PPP1R16B: variants seen among roughly 807,000 people sequenced by gnomAD.
PPP1R16B encodes protein phosphatase 1 regulatory inhibitor subunit 16B.
Under a neutral mutation model 61.7 loss-of-function variants are expected in PPP1R16B, and 14 were observed. That is an observed-to-expected ratio of 0.23 (90% confidence interval 0.15 to 0.35). The LOEUF is 0.35. Among genes scored for constraint, PPP1R16B ranks in the 10% least tolerant of loss-of-function variants. The pLI, the probability that PPP1R16B is intolerant of heterozygous loss-of-function variation, is 1.00. For missense variants in PPP1R16B, 547 were observed against 752.5 expected (o/e 0.73, Z 3.19); for synonymous variants, 266 against 305.3 (o/e 0.87, Z 1.34).
intron 4 of PPP1R16B, 79 bp downstream of exon 4, chr20:38,895,789 C>CCTCCCTTCCTTCTTTCTTCCCTCCCTT (rs2085330681): frequency 3.6e-6 from 3 of 844,528 alleles, no homozygotes; most frequent in African/African-American, 5.4e-5. Flanking sequence ...TCTCCTCCCT[C>CCTCCCTTCCTTCTTTCTTCCCTCCCTT]CCTCCTTCCT....
intron 10 of PPP1R16B, among the ~76,000 whole-genome samples, chr20:38,915,027 G>A (rs575909355): frequency 6.6e-6 from 1 of 151,936 alleles, no homozygotes; most frequent in South Asian, 2.1e-4. Context: ...TAGAACTCTA[G>A]AAAAATGAGT....
At chr20:38,888,071 C>T (rs960495176) in intron 2 of PPP1R16B, among the ~76,000 whole-genome samples, 1 of 152,224 alleles carries the variant, frequency 6.6e-6, no homozygotes, top group Non-Finnish European at 1.5e-5. Flanking sequence ...TTCACCCTGC[C>T]CAGCTCACTT....
intron 2 of PPP1R16B, among the ~76,000 whole-genome samples, chr20:38,855,346 T>C (rs559236312): frequency 6.6e-6 from 1 of 151,218 alleles, no homozygotes; most frequent in Non-Finnish European, 1.5e-5. Flanking sequence ...TACAATCTGT[T>C]CCCTTGTTAT....
chr20:38,886,023 G>T (rs1283720255), intron 2 of PPP1R16B, among the ~76,000 whole-genome samples: 2 of 152,178 alleles, frequency 1.3e-5, no homozygotes, highest in Admixed American at 1.3e-4. Flanking sequence ...TGATCCACAT[G>T]CCTTGGCATC....
chr20:38,827,554 T>A (rs1402631749), intron 1 of PPP1R16B, among the ~76,000 whole-genome samples: 2 of 152,086 alleles, frequency 1.3e-5, no homozygotes, highest in Non-Finnish European at 2.9e-5. Flanking sequence ...AGAATTGGAG[T>A]TACGGAGTTG....
At chr20:38,876,349 A>C (rs1021796291) in intron 2 of PPP1R16B, among the ~76,000 whole-genome samples, 3 of 152,044 alleles carry the variant, frequency 2.0e-5, no homozygotes. Context: ...TAGATAAGAA[A>C]TATTTTCGGC....
At chr20:38,839,410 T>C (rs938982262) in intron 2 of PPP1R16B, among the ~76,000 whole-genome samples, 48 of 152,336 alleles carry the variant, frequency 3.2e-4, no homozygotes, top group African/African-American at 1.1e-3. Flanking sequence ...AACCTAAATA[T>C]GCACAGATAC....
At chr20:38,891,533 C>T (rs1227358041) in intron 3 of PPP1R16B, among the ~76,000 whole-genome samples, 1 of 152,230 alleles carries the variant, frequency 6.6e-6, no homozygotes, top group Admixed American at 6.5e-5. Flanking sequence ...GGCGTGGTGG[C>T]TCACGCCTGT....
At chr20:38,851,416 G>C (rs895571031) in intron 2 of PPP1R16B, among the ~76,000 whole-genome samples, 3 of 151,756 alleles carry the variant, frequency 2.0e-5, no homozygotes, top group Admixed American at 1.3e-4. Flanking sequence ...AGTGAGTTGA[G>C]ATTGCACCAT....
chr20:38,899,520 A>G (rs967084118), intron 4 of PPP1R16B, among the ~76,000 whole-genome samples: 1 of 152,238 alleles, frequency 6.6e-6, no homozygotes, highest in Non-Finnish European at 1.5e-5. Flanking sequence ...TAATTCTGCC[A>G]CATGGCATCC....
chr20:38,820,520 T>C (rs2084766499), intron 1 of PPP1R16B, among the ~76,000 whole-genome samples: 1 of 151,434 alleles, frequency 6.6e-6, no homozygotes, highest in South Asian at 2.1e-4. Context: ...ACTGTGCCAT[T>C]GCACTCCAGC....
chr20:38,851,478 C>A (rs1051814290), intron 2 of PPP1R16B, among the ~76,000 whole-genome samples: 23 of 150,262 alleles, frequency 1.5e-4, no homozygotes, highest in African/African-American at 2.9e-4. Context: ...AAAAAAAAAA[C>A]CATCTTTCCT....
chr20:38,888,901 AC>A (rs2085268386), intron 2 of PPP1R16B, among the ~76,000 whole-genome samples: 1 of 150,846 alleles, frequency 6.6e-6, no homozygotes, highest in South Asian at 2.1e-4. Context: ...ACACACACAC[AC>A]ACACACACAC....
chr20:38,823,304 T>C (rs183903793), intron 1 of PPP1R16B, among the ~76,000 whole-genome samples: 42 of 152,288 alleles, frequency 2.8e-4, no homozygotes, highest in African/African-American at 9.6e-4. Context: ...GAGAGGCCAG[T>C]TGCTGTTGTG....
chr20:38,862,048 C>T (rs1213473447), intron 2 of PPP1R16B, among the ~76,000 whole-genome samples: 1 of 152,214 alleles, frequency 6.6e-6, no homozygotes, highest in Admixed American at 6.5e-5. Flanking sequence ...CAAGCCCAGT[C>T]TCCTTGGAGG....
rs563002147 is a variant in PPP1R16B at position 38,908,915 on chromosome 20, C to T, written c.1194+722C>T. Among the ~76,000 whole-genome samples the T allele has an allele frequency of 6.6e-5, 10 of 152,322 alleles. 1 individual carries two copies. Among genetic ancestry groups the T allele is most frequent in the African/African-American group, 2.4e-4 (10 of 41,576 alleles). On this transcript the variant is annotated intron_variant, in intron 10 of 10. Coordinates refer to ENST00000299824, the MANE Select transcript of PPP1R16B (RefSeq NM_015568.4). ...CTGGTGGCTCAGGCGTTCTTTGGCT[C>T]TTGCTAGCAATGATTCTAGTCTCTG... is the stretch of plus-strand genomic sequence containing the variant.
intron 4 of PPP1R16B, among the ~76,000 whole-genome samples, chr20:38,899,155 G>GCTCAGAGAGCAAAACTGCAC (rs1436209667): frequency 6.6e-6 from 1 of 152,198 alleles, no homozygotes; most frequent in African/African-American, 2.4e-5. Context: ...TGCTGCCCCA[G>GCTCAGAGAGCAAAACTGCAC]CTCAGAGAGC....
At chr20:38,858,966 G>A (rs1004723022) in intron 2 of PPP1R16B, among the ~76,000 whole-genome samples, 2 of 152,186 alleles carry the variant, frequency 1.3e-5, no homozygotes, top group African/African-American at 2.4e-5. Context: ...GCCTCTCTAC[G>A]ATGGTGGCCT....
intron 1 of PPP1R16B, among the ~76,000 whole-genome samples, chr20:38,832,755 C>T (rs1002560807): frequency 2.0e-5 from 3 of 151,718 alleles, no homozygotes; most frequent in African/African-American, 7.3e-5. Context: ...CCCGTCTCTA[C>T]AAAAATACAA....
Sources: allele counts gnomAD v4.1 joint callset (sites outside exome capture counted in the v4.1 genomes callset), GRCh38; gene constraint gnomAD v4.1.1; transcripts MANE v1.5; gene names NCBI Gene and HGNC (gene_info 2026-07-23, HGNC 2026-07-21).